Variants in C12orf54 observed in about 807,000 individuals in gnomAD.
C12orf54 encodes uncharacterized protein C12orf54.
Under a neutral mutation model 26.4 loss-of-function variants are expected in C12orf54, and 24 were observed. The observed-to-expected ratio is 0.91, with a 90% CI of 0.66 to 1.28. The LOEUF is 1.28. Ranked by LOEUF, C12orf54 falls within the 50% of genes most tolerant of loss-of-function variation. The probability of loss-of-function intolerance (pLI) is 0.00; values close to 1 mark genes in which losing one functional copy is unlikely to be tolerated. For missense variants in C12orf54, 154 were observed against 150.9 expected, an observed-to-expected ratio of 1.02 and a Z score of -0.11; for synonymous variants, 54 against 47.0, an observed-to-expected ratio of 1.15 and a Z score of -0.61.
chr12:48,431,373 A>G, the C12orf54 span, among the ~76,000 whole-genome samples: 3 of 152,228 alleles, frequency 2.0e-5, no homozygotes, highest in Non-Finnish European at 4.4e-5. Flanking sequence ...TTCACTATAA[A>G]ATTCTGTTAA....
chr12:48,473,098 T>C, the C12orf54 span: 1 of 1,613,664 alleles, frequency 6.2e-7, no homozygotes. Context: ...CTCACATATC[T>C]CAACGGCTGT....
chr12:48,483,186 T>C, intron 1 of C12orf54, 54 bp from the exon 2 acceptor site: 1 of 892,178 alleles, frequency 1.1e-6, no homozygotes, highest in Non-Finnish European at 1.7e-6. Flanking sequence ...GAATAAGCGC[T>C]TTTCTTCTCA....
chr12:48,468,989 AG>A, the C12orf54 span, among the ~76,000 whole-genome samples: 1 of 152,224 alleles, frequency 6.6e-6, no homozygotes, highest in African/African-American at 2.4e-5. Flanking sequence ...GTGTATGAAT[AG>A]GCTGTGGGTC....
the C12orf54 span, among the ~76,000 whole-genome samples, chr12:48,437,258 A>C: frequency 3.5e-4 from 53 of 152,320 alleles, no homozygotes; most frequent in African/African-American, 1.2e-3. Flanking sequence ...AGCAATAATT[A>C]ATAGCTTACC....
At chr12:48,440,588 C>T in the C12orf54 span, among the ~76,000 whole-genome samples, 1 of 152,202 alleles carries the variant, frequency 6.6e-6, no homozygotes, top group Non-Finnish European at 1.5e-5. Context: ...TAGGGCCAAG[C>T]GGCAGAGCTA....
chr12:48,427,405 A>C, the C12orf54 span, among the ~76,000 whole-genome samples: 1 of 152,090 alleles, frequency 6.6e-6, no homozygotes, highest in Admixed American at 6.6e-5. Context: ...TATTGAACCC[A>C]CTTTGCATCC....
intron 7 of C12orf54, 42 bp from the exon 8 acceptor site, chr12:48,494,756 T>A (rs1937872787): frequency 6.3e-7 from 1 of 1,591,648 alleles, no homozygotes; most frequent in Non-Finnish European, 8.6e-7. Context: ...AAGGGTAAGA[T>A]CTCTTTCCCT....
chr12:48,450,269 A>C, the C12orf54 span, among the ~76,000 whole-genome samples: 4 of 152,190 alleles, frequency 2.6e-5, no homozygotes, highest in African/African-American at 9.7e-5. Context: ...GAAATCAAGA[A>C]GTCTTTTGAA....
chr12:48,459,219 G>A, the C12orf54 span, among the ~76,000 whole-genome samples: 6 of 152,128 alleles, frequency 3.9e-5, no homozygotes, highest in South Asian at 2.1e-4. Context: ...ACTCAAGCCA[G>A]GACTTTTAGA....
At chr12:48,479,256 A>G (rs561478660), upstream of C12orf54, among the ~76,000 whole-genome samples, 124 of 152,284 alleles carry the variant, frequency 8.1e-4, no homozygotes, top group African/African-American at 2.9e-3. Flanking sequence ...GCAAACTATC[A>G]CAAGGACAAA....
At chr12:48,428,484 G>A in the C12orf54 span, among the ~76,000 whole-genome samples, 1 of 151,944 alleles carries the variant, frequency 6.6e-6, no homozygotes, top group South Asian at 2.1e-4. Flanking sequence ...TGAAAAGGAA[G>A]ATATTACAAC....
the C12orf54 span, among the ~76,000 whole-genome samples, chr12:48,473,939 G>A: frequency 1.2e-4 from 18 of 152,196 alleles, no homozygotes; most frequent in African/African-American, 4.1e-4. Flanking sequence ...ACTGGTTTGG[G>A]GACATTCCCC....
At chr12:48,439,281 C>T in the C12orf54 span, among the ~76,000 whole-genome samples, 2 of 152,144 alleles carry the variant, frequency 1.3e-5, no homozygotes, top group Non-Finnish European at 2.9e-5. Flanking sequence ...GAAACAGGAA[C>T]ACTTTTACAC....
At chr12:48,433,533 C>T in the C12orf54 span, among the ~76,000 whole-genome samples, 12 of 151,922 alleles carry the variant, frequency 7.9e-5, no homozygotes, top group East Asian at 5.8e-4. Flanking sequence ...CTGCAAGCTC[C>T]GCCACCCAGG....
At chr12:48,420,853 T>C in the C12orf54 span, among the ~76,000 whole-genome samples, 1 of 152,350 alleles carries the variant, frequency 6.6e-6, no homozygotes, top group Admixed American at 6.5e-5. Flanking sequence ...CCTTGCCTGT[T>C]TGATATGTCT....
At chr12:48,461,608 G>T in the C12orf54 span, among the ~76,000 whole-genome samples, 1 of 142,550 alleles carries the variant, frequency 7.0e-6, no homozygotes, top group African/African-American at 2.6e-5. Flanking sequence ...TCAAAATTTG[G>T]AAACTAACGT....
the C12orf54 span, among the ~76,000 whole-genome samples, chr12:48,471,725 A>G: frequency 6.6e-6 from 1 of 152,140 alleles, no homozygotes; most frequent in Non-Finnish European, 1.5e-5. Context: ...TGTCGATACC[A>G]TGCTGTTTTG....
rs1937872258 is a variant in C12orf54, at chr12:48,494,732, A to G, written c.243-66A>G. ...AGAATCTCTAAGGGCAGTGGAGGCC[A>G]GGAAGGGAACTGAAAGGGTAAGATC... On this transcript the variant is annotated intron_variant, in intron 7 of 8. Transcript: ENST00000548364. 4 of 1,532,260 alleles carry G rather than the reference A, an allele frequency of 2.6e-6. No homozygotes were observed. The South Asian group carries it at 3.4e-5, about 13-fold the overall frequency. 94.9% of individuals were successfully genotyped at this position (1,532,260 alleles called of 1,614,324 possible).
chr12:48,432,660 A>C, the C12orf54 span, among the ~76,000 whole-genome samples: 1 of 152,216 alleles, frequency 6.6e-6, no homozygotes, highest in South Asian at 2.1e-4. Context: ...ACCTGAGATC[A>C]GGAGTTCAAG....
Sources: gnomAD v4.1 joint callset for allele counts (sites outside exome capture counted in the v4.1 genomes callset) on GRCh38, gnomAD v4.1.1 for gene constraint, MANE v1.5 for transcripts, NCBI Gene and HGNC (gene_info 2026-07-23, HGNC 2026-07-21) for gene names.